DPP10: variants seen among roughly 807,000 people sequenced by gnomAD.
DPP10 encodes dipeptidyl peptidase like 10, also known as inactive dipeptidyl peptidase 10.
Under a neutral mutation model 120.9 loss-of-function variants are expected in DPP10, and 33 were observed. The observed-to-expected ratio is 0.27, with a 90% CI of 0.21 to 0.37. The LOEUF is 0.37. Ranked by LOEUF, DPP10 falls within the 10% of genes least tolerant of loss-of-function variation. The probability of loss-of-function intolerance (pLI) is 1.00; values close to 1 mark genes in which losing one functional copy is unlikely to be tolerated. For synonymous variants in DPP10, 337 were observed against 326.1 expected, an observed-to-expected ratio of 1.03 and a Z score of -0.36; for missense variants, 816 against 942.8, an observed-to-expected ratio of 0.87 and a Z score of 1.76.
intron 12 of DPP10, among the ~76,000 whole-genome samples, chr2:115,765,036 T>C (rs901717447): frequency 6.6e-6 from 1 of 152,096 alleles, no homozygotes; most frequent in African/African-American, 2.4e-5. Context: ...ATCTTGTGTG[T>C]CAAAAACACT....
intron 1 of DPP10, among the ~76,000 whole-genome samples, chr2:115,128,881 A>G (rs2104774509): frequency 6.6e-6 from 1 of 152,322 alleles, no homozygotes; most frequent in African/African-American, 2.4e-5. Flanking sequence ...AGATCCTTCA[A>G]CACTTATGAG....
intron 1 of DPP10, among the ~76,000 whole-genome samples, chr2:114,779,933 G>A (rs1391141348): frequency 6.6e-6 from 1 of 152,036 alleles, no homozygotes; most frequent in African/African-American, 2.4e-5. Context: ...TCAGGAGATC[G>A]AGACCATCCT....
intron 1 of DPP10, among the ~76,000 whole-genome samples, chr2:114,531,601 C>T (rs1389076347): frequency 6.9e-6 from 1 of 144,990 alleles, no homozygotes; most frequent in Non-Finnish European, 1.5e-5. Context: ...AAAATGAATA[C>T]ATATATATAT....
intron 1 of DPP10, among the ~76,000 whole-genome samples, chr2:115,238,139 G>C (rs1047471033): frequency 6.6e-6 from 1 of 152,186 alleles, no homozygotes; most frequent in African/African-American, 2.4e-5. Context: ...TGACTCTTTT[G>C]TTAGAGGCTG....
chr2:115,375,068 T>C (rs1415743133), intron 3 of DPP10, among the ~76,000 whole-genome samples: 1 of 152,116 alleles, frequency 6.6e-6, no homozygotes, highest in Non-Finnish European at 1.5e-5. Flanking sequence ...AGAAAATGGG[T>C]TTTTCTTTTC....
intron 1 of DPP10, among the ~76,000 whole-genome samples, chr2:114,857,546 C>G (rs916248226): frequency 6.6e-6 from 1 of 152,194 alleles, no homozygotes; most frequent in Non-Finnish European, 1.5e-5. Flanking sequence ...GCTCCATGCT[C>G]TGTAGTTCAC....
chr2:115,827,318 C>T (rs201506610), intron 21 of DPP10, among the ~76,000 whole-genome samples: 30 of 137,798 alleles, frequency 2.2e-4, no homozygotes, highest in East Asian at 1.3e-3. Flanking sequence ...TACACATGTA[C>T]ATGTATATGT....
At chr2:114,654,279 G>T (rs909703266) in intron 1 of DPP10, among the ~76,000 whole-genome samples, 1 of 152,140 alleles carries the variant, frequency 6.6e-6, no homozygotes, top group South Asian at 2.1e-4. Context: ...CTGAGGTGAA[G>T]TGACTTCCCA....
At chr2:115,390,929 C>T (rs1211707766) in intron 3 of DPP10, among the ~76,000 whole-genome samples, 1 of 152,044 alleles carries the variant, frequency 6.6e-6, no homozygotes, top group East Asian at 1.9e-4. Flanking sequence ...TTAACTTTTC[C>T]CTAACTGGTA....
At chr2:114,989,189 T>C (rs1700609001) in intron 1 of DPP10, among the ~76,000 whole-genome samples, 1 of 152,214 alleles carries the variant, frequency 6.6e-6, no homozygotes. Flanking sequence ...TTTATTTTTC[T>C]TCTTTGAGCT....
At chr2:115,380,169 A>G (rs1045598246) in intron 3 of DPP10, among the ~76,000 whole-genome samples, 1 of 152,154 alleles carries the variant, frequency 6.6e-6, no homozygotes, top group Non-Finnish European at 1.5e-5. Context: ...GTCTCTCATT[A>G]TTAATGTGTG....
chr2:115,834,085 C>A (rs1689201869), intron 21 of DPP10, among the ~76,000 whole-genome samples: 2 of 152,126 alleles, frequency 1.3e-5, no homozygotes, highest in Admixed American at 1.3e-4. Context: ...AATTTTCTTT[C>A]CTTCAGTTAC....
intron 1 of DPP10, among the ~76,000 whole-genome samples, chr2:115,017,670 G>T (rs927383075): frequency 9.5e-5 from 1 of 10,578 alleles, no homozygotes; most frequent in Non-Finnish European, 2.9e-3. Flanking sequence ...ATACTATGCA[G>T]CCATAAAAAA....
chr2:114,818,005 C>G (rs1276609194), intron 1 of DPP10, among the ~76,000 whole-genome samples: 1 of 152,116 alleles, frequency 6.6e-6, no homozygotes, highest in African/African-American at 2.4e-5. Context: ...AAATACCTTT[C>G]TAGCCTGTTG....
At chr2:115,663,336 A>G (rs2089165479) in intron 5 of DPP10, among the ~76,000 whole-genome samples, 1 of 152,188 alleles carries the variant, frequency 6.6e-6, no homozygotes, top group Admixed American at 6.5e-5. Context: ...GAAAACCAAT[A>G]ATTAAATGTC....
intron 1 of DPP10, among the ~76,000 whole-genome samples, chr2:114,878,678 G>A (rs1480090712): frequency 1.3e-5 from 2 of 152,002 alleles, no homozygotes; most frequent in Non-Finnish European, 2.9e-5. Flanking sequence ...GTGAGAACAT[G>A]AGCTATCCAT....
intron 1 of DPP10, among the ~76,000 whole-genome samples, chr2:115,045,881 A>G (rs2105321814): frequency 6.6e-6 from 1 of 152,072 alleles, no homozygotes; most frequent in South Asian, 2.1e-4. Flanking sequence ...AGTAATTTTG[A>G]TTTATCAATT....
intron 1 of DPP10, among the ~76,000 whole-genome samples, chr2:115,206,391 G>T (rs2056131034): frequency 6.6e-6 from 1 of 152,122 alleles, no homozygotes; most frequent in Admixed American, 6.6e-5. Context: ...CATGAAGAGA[G>T]TTCAGTTCAC....
intron 1 of DPP10, among the ~76,000 whole-genome samples, chr2:115,007,916 G>A (rs887535594): frequency 6.6e-6 from 1 of 151,980 alleles, no homozygotes; most frequent in Non-Finnish European, 1.5e-5. Context: ...CGCTGCTCAA[G>A]GAAATAAAAG....
Sources: allele counts gnomAD v4.1 joint callset (sites outside exome capture counted in the v4.1 genomes callset), GRCh38; gene constraint gnomAD v4.1.1; transcripts MANE v1.5; gene names NCBI Gene and HGNC (gene_info 2026-07-23, HGNC 2026-07-21).